CNTNAP5: variants seen among roughly 807,000 people sequenced by gnomAD.
CNTNAP5 encodes contactin-associated protein-like 5.
In CNTNAP5, 72 loss-of-function variants were observed where a neutral mutation model predicts 150.2. That is an observed-to-expected ratio of 0.48 (90% confidence interval 0.40 to 0.58). The LOEUF (loss-of-function observed/expected upper bound fraction) is 0.58. CNTNAP5 is among the 20% of genes least tolerant of loss of function. The pLI, the probability that CNTNAP5 is intolerant of heterozygous loss-of-function variation, is 0.00. For synonymous variants in CNTNAP5, 672 were observed against 619.8 expected (o/e 1.08, Z -1.25); for missense variants, 1,636 against 1,626.2 (o/e 1.01, Z -0.10).
intron 11 of CNTNAP5, among the ~76,000 whole-genome samples, chr2:124,591,432 C>T (rs1573480523): frequency 6.6e-6 from 1 of 152,184 alleles, no homozygotes; most frequent in Non-Finnish European, 1.5e-5. Context: ...TCAATTTAAC[C>T]TTTACCAAAG....
At position 124,269,507 on chromosome 2, in the gene CNTNAP5, T is replaced by G. The variant is rs1270728556; in HGVS notation, c.381+27114T>G. 7.2e-5 allele frequency among the ~76,000 whole-genome samples: 11 copies of G among 151,954 alleles called. No homozygotes were observed. In the East Asian group the frequency reaches 2.1e-3, roughly 29 times the overall value. On this transcript the variant is annotated intron_variant, in intron 3 of 23. Transcript: ENST00000682447. The stretch of plus-strand genomic sequence containing the variant: ...CTGTGCTTCCAGTGAGCGACAGGAG[T>G]TTTGGGACACTTTGTGCCTGCAATC...
At chr2:124,592,096 CAT>C (rs1558694969) in intron 11 of CNTNAP5, among the ~76,000 whole-genome samples, 1 of 152,072 alleles carries the variant, frequency 6.6e-6, no homozygotes, top group African/African-American at 2.4e-5. Context: ...ATGAGTGCAA[CAT>C]AGTTTATTCA....
At position 124,790,378 on chromosome 2, in the gene CNTNAP5, AAGTC is replaced by A. The variant is rs1681699971; in HGVS notation, c.2992+241_2992+244del. Among the ~76,000 whole-genome samples, 3 of 152,130 alleles carry A rather than the reference AAGTC, an allele frequency of 2.0e-5. No homozygotes were observed. The South Asian group carries it at 6.2e-4, about 32-fold the overall frequency. ...GGAAAACACCCTGCCCACGGCCAAAAAGTCAGTTAAGTAGAGAAAGAGGTGGACC... is the reference window on the plus strand; with the variant it reads ...GGAAAACACCCTGCCCACGGCCAAAAAGTTAAGTAGAGAAAGAGGTGGACC... On this transcript the variant is annotated intron_variant, in intron 18 of 23. Transcript: ENST00000682447.
chr2:124,674,584 T>C (rs941594714), intron 13 of CNTNAP5, among the ~76,000 whole-genome samples: 4 of 149,564 alleles, frequency 2.7e-5, no homozygotes, highest in African/African-American at 9.8e-5. Context: ...TCTTTTCATC[T>C]CCTCCTACTC....
chr2:124,877,511 C>T (rs1677883757), intron 21 of CNTNAP5, among the ~76,000 whole-genome samples: 1 of 152,096 alleles, frequency 6.6e-6, no homozygotes, highest in Admixed American at 6.6e-5. Context: ...CCAGAAGTCA[C>T]ATGACATGAC....
intron 1 of CNTNAP5, among the ~76,000 whole-genome samples, chr2:124,142,120 G>A (rs1250344026): frequency 1.4e-5 from 2 of 140,568 alleles, no homozygotes; most frequent in African/African-American, 5.4e-5. Flanking sequence ...CCCAATACAG[G>A]AGCACCCAGA....
At chr2:124,647,086 C>T (rs1052634796) in intron 12 of CNTNAP5, among the ~76,000 whole-genome samples, 4 of 152,224 alleles carry the variant, frequency 2.6e-5, no homozygotes, top group African/African-American at 9.6e-5. Context: ...TATCTCCCCT[C>T]TCTCACTGCC....
At chr2:124,902,265 T>C (rs1678429179) in intron 21 of CNTNAP5, among the ~76,000 whole-genome samples, 1 of 152,112 alleles carries the variant, frequency 6.6e-6, no homozygotes, top group Non-Finnish European at 1.5e-5. Context: ...CTTTAGGAAG[T>C]TGAATGCTGT....
chr2:124,868,789 A>T (rs542915880), intron 20 of CNTNAP5, among the ~76,000 whole-genome samples: 1 of 152,252 alleles, frequency 6.6e-6, no homozygotes, highest in South Asian at 2.1e-4. Flanking sequence ...CAAGCTGTGC[A>T]AAGTCAGGCA....
rs1370720188 is a variant in CNTNAP5 at position 124,445,665 on chromosome 2, G to A, written c.734-1088G>A. 2.0e-5 allele frequency among the ~76,000 whole-genome samples: 3 copies of A among 152,174 alleles called. 1 individual carries two copies. The highest frequency in any genetic ancestry group is 3.9e-4 in the East Asian group (2 of 5,180). On this transcript the variant is annotated intron_variant, in intron 5 of 23. Coordinates refer to ENST00000682447, the MANE Select transcript of CNTNAP5 (RefSeq NM_001367498.1). ...GAGGTGGGAGTGAGCAGCCTTCGGGGAAGTGGCAGCTACCGCCTGCTGAAT... is the reference window on the plus strand; with the variant it reads ...GAGGTGGGAGTGAGCAGCCTTCGGGAAAGTGGCAGCTACCGCCTGCTGAAT...
intron 1 of CNTNAP5, among the ~76,000 whole-genome samples, chr2:124,051,987 A>C (rs1164825349): frequency 6.6e-6 from 1 of 152,234 alleles, no homozygotes; most frequent in African/African-American, 2.4e-5. Context: ...ATGAACTACT[A>C]GAAAAGTAGA....
chr2:124,208,767 A>G (rs943068280), intron 1 of CNTNAP5, among the ~76,000 whole-genome samples: 1 of 152,214 alleles, frequency 6.6e-6, no homozygotes, highest in Non-Finnish European at 1.5e-5. Context: ...AACTAAAAAC[A>G]TTCTCGTGTT....
chr2:124,050,981 T>C (rs951305842), intron 1 of CNTNAP5, among the ~76,000 whole-genome samples: 2 of 152,164 alleles, frequency 1.3e-5, no homozygotes. Context: ...AGAATTTTCC[T>C]GGACTGTAGC....
At chr2:124,288,516 T>G (rs1032465848) in intron 3 of CNTNAP5, among the ~76,000 whole-genome samples, 3 of 152,218 alleles carry the variant, frequency 2.0e-5, no homozygotes, top group African/African-American at 7.2e-5. Context: ...TTGCTTCCTC[T>G]ATAAATTATT....
intron 19 of CNTNAP5, among the ~76,000 whole-genome samples, chr2:124,805,921 G>C (rs1466013364): frequency 6.6e-6 from 1 of 152,138 alleles, no homozygotes; most frequent in Non-Finnish European, 1.5e-5. Context: ...TATAGGATGA[G>C]AGGCCCACCC....
At chr2:124,585,448 G>A (rs1696506969) in intron 11 of CNTNAP5, among the ~76,000 whole-genome samples, 1 of 152,118 alleles carries the variant, frequency 6.6e-6, no homozygotes, top group Non-Finnish European at 1.5e-5. Context: ...AAGAATGGAT[G>A]GATCCAGGAA....
intron 10 of CNTNAP5, among the ~76,000 whole-genome samples, chr2:124,546,402 G>A (rs1695511305): frequency 1.3e-5 from 2 of 151,982 alleles, no homozygotes; most frequent in South Asian, 2.1e-4. Context: ...GCATCCTCAT[G>A]CTTATAAACT....
At chr2:124,028,242 A>T (rs1161474606) in intron 1 of CNTNAP5, among the ~76,000 whole-genome samples, 1 of 151,862 alleles carries the variant, frequency 6.6e-6, no homozygotes, top group Non-Finnish European at 1.5e-5. Context: ...ATAACTTCTA[A>T]TTGTTTTTAT....
At chr2:124,647,643 C>T (rs543339289) in intron 12 of CNTNAP5, 115 bp from the exon 13 acceptor site, 58 of 881,236 alleles carry the variant, frequency 6.6e-5, no homozygotes, top group African/African-American at 4.9e-4. Flanking sequence ...ACTCTCCATA[C>T]GGTACCGGAG....
Sources: allele counts gnomAD v4.1 joint callset (sites outside exome capture counted in the v4.1 genomes callset), GRCh38; gene constraint gnomAD v4.1.1; transcripts MANE v1.5; gene names NCBI Gene and HGNC (gene_info 2026-07-23, HGNC 2026-07-21).